Variants in EPHA6 observed in about 807,000 individuals in gnomAD.
EPHA6 encodes the protein ephrin type-A receptor 6.
In EPHA6, 50 loss-of-function variants were observed where a neutral mutation model predicts 112.0. That is an observed-to-expected ratio of 0.45 (90% confidence interval 0.36 to 0.56). EPHA6 has a LOEUF of 0.56. EPHA6 is among the 20% of genes least tolerant of loss of function. The pLI is 0.00. For synonymous variants in EPHA6, 529 were observed against 490.7 expected, an observed-to-expected ratio of 1.08 and a Z score of -1.03; for missense variants, 1,280 against 1,417.4, an observed-to-expected ratio of 0.90 and a Z score of 1.56.
chr3:97,675,258 C>G (rs959995836), intron 14 of EPHA6, among the ~76,000 whole-genome samples: 2 of 152,100 alleles, frequency 1.3e-5, no homozygotes, highest in African/African-American at 4.8e-5. Flanking sequence ...GCAGGTGGAT[C>G]ACTTAAGGTC....
intron 3 of EPHA6, among the ~76,000 whole-genome samples, chr3:97,202,297 T>C (rs967512580): frequency 1.1e-4 from 17 of 152,012 alleles, no homozygotes; most frequent in African/African-American, 4.1e-4. Context: ...GTCAATGCTT[T>C]GGTAGGGGCA....
rs6794681 is a variant in EPHA6 at position 97,591,165 on chromosome 3, A to G, written c.2387-1447A>G. 7.9e-3 allele frequency among the ~76,000 whole-genome samples: 1,202 copies of G among 152,250 alleles called. 18 individuals are homozygous for G. The highest frequency in any genetic ancestry group is 0.028 in the African/African-American group (1,150 of 41,544). On this transcript the variant is annotated intron_variant, in intron 11 of 17. Transcript: ENST00000389672. ...TTCACTGTATTTAATTTTTTTTCTA[A>G]GCTTTCTTTAATCCAGTGCACACTG...
chr3:97,000,592 T>C (rs184014484), intron 3 of EPHA6, among the ~76,000 whole-genome samples: 1 of 151,850 alleles, frequency 6.6e-6, no homozygotes, highest in East Asian at 1.9e-4. Flanking sequence ...TGTTGTTATC[T>C]GTATCCAATG....
At chr3:97,391,183 G>C (rs59797581) in intron 5 of EPHA6, among the ~76,000 whole-genome samples, 1 of 151,776 alleles carries the variant, frequency 6.6e-6, no homozygotes, top group East Asian at 1.9e-4. Context: ...TATGCATGGA[G>C]TACATAAATC....
At chr3:96,984,503 G>A (rs1200856781) in intron 2 of EPHA6, among the ~76,000 whole-genome samples, 2 of 152,160 alleles carry the variant, frequency 1.3e-5, no homozygotes, top group Non-Finnish European at 2.9e-5. Flanking sequence ...GGGGGTGTGG[G>A]ACCCACTTGA....
rs371069463 is a variant in EPHA6 at position 97,127,501 on chromosome 3, T to C, written c.1115-98763T>C. On this transcript the variant is annotated intron_variant, in intron 3 of 17. Coordinates refer to ENST00000389672, the MANE Select transcript of EPHA6 (RefSeq NM_001080448.3). Reference sequence around the variant, plus strand: ...TTGGGAGGCCAAGGCGGGCAGATCATCTGAGGTTAGGAGTTCCGAGACCAG... The same window carrying C: ...TTGGGAGGCCAAGGCGGGCAGATCACCTGAGGTTAGGAGTTCCGAGACCAG... Among the ~76,000 whole-genome samples the C allele has an allele frequency of 2.6e-3, 397 of 152,000 alleles. 2 individuals carry two copies. Among genetic ancestry groups the C allele is most frequent in the African/African-American group, 8.8e-3 (367 of 41,484 alleles).
rs1559888056 is a variant in EPHA6, at chr3:97,328,021, ATGTATATGTG to A, written c.1607-77127_1607-77118del. 1.7e-3 allele frequency among the ~76,000 whole-genome samples: 218 copies of A among 132,028 alleles called. 3 individuals are homozygous for A. Among genetic ancestry groups the A allele is most frequent in the African/African-American group, 6.5e-3 (199 of 30,770 alleles). 86.6% of individuals were successfully genotyped at this position (132,028 alleles called of 152,430 possible). On this transcript the variant is annotated intron_variant, in intron 5 of 17. Coordinates refer to ENST00000389672, the MANE Select transcript of EPHA6 (RefSeq NM_001080448.3). ...TGTATGTATATGTATATGTGTATATATGTATATGTGTATATATACACACATATATACACAT... is the reference window on the plus strand; with the variant it reads ...TGTATGTATATGTATATGTGTATATATATATATACACACATATATACACAT...
chr3:96,997,087 TG>T (rs1306164285), intron 3 of EPHA6, among the ~76,000 whole-genome samples: 3 of 152,090 alleles, frequency 2.0e-5, no homozygotes, highest in Non-Finnish European at 2.9e-5. Context: ...AACCAACTGC[TG>T]TTGGCTTCCA....
intron 2 of EPHA6, among the ~76,000 whole-genome samples, chr3:96,970,083 T>C (rs2042257808): frequency 6.6e-6 from 1 of 152,008 alleles, no homozygotes; most frequent in African/African-American, 2.4e-5. Context: ...TAAGTGATTT[T>C]ATTGAATCTG....
At chr3:97,329,145 C>T (rs972946389) in intron 5 of EPHA6, among the ~76,000 whole-genome samples, 1 of 152,056 alleles carries the variant, frequency 6.6e-6, no homozygotes, top group Non-Finnish European at 1.5e-5. Context: ...AGGACATGAA[C>T]TCATCCTTTT....
chr3:97,251,577 C>T (rs1255820805), intron 5 of EPHA6, among the ~76,000 whole-genome samples: 1 of 152,058 alleles, frequency 6.6e-6, no homozygotes, highest in East Asian at 1.9e-4. Context: ...ATGGATTATT[C>T]TGATCATCAT....
At chr3:97,531,275 T>A (rs1204563212) in intron 10 of EPHA6, among the ~76,000 whole-genome samples, 1 of 151,936 alleles carries the variant, frequency 6.6e-6, no homozygotes, top group Non-Finnish European at 1.5e-5. Flanking sequence ...TCTAGAAAAA[T>A]TAAAAGTCTA....
At chr3:97,360,001 C>T (rs1459461677) in intron 5 of EPHA6, among the ~76,000 whole-genome samples, 1 of 152,154 alleles carries the variant, frequency 6.6e-6, no homozygotes, top group African/African-American at 2.4e-5. Context: ...AATGTACTAC[C>T]CCTTTATATC....
chr3:97,233,782 AT>A (rs1339414927), intron 4 of EPHA6, among the ~76,000 whole-genome samples: 1 of 152,152 alleles, frequency 6.6e-6, no homozygotes, highest in African/African-American at 2.4e-5. Context: ...GTAACTAAAA[AT>A]TTCAAGTATG....
chr3:97,726,269 G>A lies in EPHA6; in HGVS notation c.2934+5859G>A, dbSNP rs145526086. Among the ~76,000 whole-genome samples the A allele has an allele frequency of 4.6e-3, 696 of 152,138 alleles. 3 individuals carry two copies. Among genetic ancestry groups the A allele is most frequent in the Non-Finnish European group, 5.4e-3 (368 of 67,968 alleles). On this transcript the variant is annotated intron_variant, in intron 15 of 17. Coordinates refer to ENST00000389672, the MANE Select transcript of EPHA6 (RefSeq NM_001080448.3). Reference sequence around the variant, plus strand: ...TACTCCTAAATGCATGCTTTTACCCGTTAAGCTCTACTGTGGAAGTCCAAT... The same window carrying A: ...TACTCCTAAATGCATGCTTTTACCCATTAAGCTCTACTGTGGAAGTCCAAT...
intron 2 of EPHA6, among the ~76,000 whole-genome samples, chr3:96,880,000 C>G (rs916213795): frequency 4.6e-5 from 7 of 151,992 alleles, no homozygotes; most frequent in Non-Finnish European, 8.8e-5. Context: ...CTATTGGGTA[C>G]AATGTACGCT....
At chr3:97,005,575 G>T (rs1576305110) in intron 3 of EPHA6, among the ~76,000 whole-genome samples, 1 of 152,130 alleles carries the variant, frequency 6.6e-6, no homozygotes, top group East Asian at 1.9e-4. Context: ...GAGACAGCTT[G>T]ACTTCCTCCC....
At chr3:97,057,534 G>T (rs2045890087) in intron 3 of EPHA6, among the ~76,000 whole-genome samples, 1 of 152,158 alleles carries the variant, frequency 6.6e-6, no homozygotes, top group Admixed American at 6.5e-5. Flanking sequence ...GTTTGATGAT[G>T]TCACATCAGC....
At chr3:97,316,837 T>G (rs77036033) in intron 5 of EPHA6, among the ~76,000 whole-genome samples, 5,946 of 151,984 alleles carry the variant, frequency 0.039, 165 homozygotes, top group Middle Eastern at 0.088. Context: ...AAAATATTAA[T>G]AATCTAAACA....
Sources: gnomAD v4.1 joint callset for allele counts (sites outside exome capture counted in the v4.1 genomes callset) on GRCh38, gnomAD v4.1.1 for gene constraint, MANE v1.5 for transcripts, NCBI Gene and HGNC (gene_info 2026-07-23, HGNC 2026-07-21) for gene names.